SLC8A1: variants seen among roughly 807,000 people sequenced by gnomAD.
SLC8A1 encodes sodium/calcium exchanger 1.
SLC8A1 carries 18 observed loss-of-function variants against 68.3 expected under a neutral mutation model. That is an observed-to-expected ratio of 0.26 (90% CI 0.18 to 0.39). SLC8A1 has a LOEUF of 0.39. SLC8A1 is among the 10% of genes least tolerant of loss of function. The pLI is 1.00. For missense variants in SLC8A1, 985 were observed against 1,156.7 expected, an observed-to-expected ratio of 0.85 and a Z score of 2.15; for synonymous variants, 475 against 415.5, an observed-to-expected ratio of 1.14 and a Z score of -1.74.
rs542773618 is a variant in SLC8A1 at position 40,437,951 on chromosome 2, T to C, written c.-24-7647A>G. Among the ~76,000 whole-genome samples the C allele has an allele frequency of 6.2e-4, 95 of 152,236 alleles. 1 individual carries two copies. Among genetic ancestry groups the C allele is most frequent in the African/African-American group, 2.0e-3 (85 of 41,572 alleles). On this transcript the variant is annotated intron_variant, in intron 1 of 7. Coordinates refer to ENST00000406785, the Ensembl canonical transcript of SLC8A1. The stretch of plus-strand genomic sequence containing the variant: ...GTGGAAACCAGGACCCTTCCATTAC[T>C]AGAGATTCACTGAAGAGAAGAGACT...
intron 7 of SLC8A1, among the ~76,000 whole-genome samples, chr2:40,128,231 T>A (rs2038562259): frequency 6.6e-6 from 1 of 152,274 alleles, no homozygotes. Flanking sequence ...TTATTTGTTC[T>A]CTTTTCTAAA....
At chr2:40,425,310 T>A (rs1696560846) in intron 2 of SLC8A1, among the ~76,000 whole-genome samples, 1 of 150,730 alleles carries the variant, frequency 6.6e-6, no homozygotes, top group Non-Finnish European at 1.5e-5. Flanking sequence ...GACATTTTTA[T>A]ATTATAAATT....
chr2:40,147,153 T>C (rs2042623057), intron 6 of SLC8A1, among the ~76,000 whole-genome samples: 1 of 152,162 alleles, frequency 6.6e-6, no homozygotes, highest in South Asian at 2.1e-4. Context: ...TAAGGAGTTC[T>C]AGCTCCATGC....
chr2:40,411,638 G>C (rs1316445514), intron 2 of SLC8A1, among the ~76,000 whole-genome samples: 1 of 151,716 alleles, frequency 6.6e-6, no homozygotes, highest in Non-Finnish European at 1.5e-5. Flanking sequence ...AACAATAGGG[G>C]CCTCATTAAA....
chr2:40,156,720 CA>C (rs1008140234), intron 6 of SLC8A1, among the ~76,000 whole-genome samples: 6 of 151,732 alleles, frequency 4.0e-5, no homozygotes, highest in Non-Finnish European at 7.4e-5. Context: ...CTCCAATATC[CA>C]AACAAATATC....
At chr2:40,376,898 C>A (rs554637299) in intron 2 of SLC8A1, among the ~76,000 whole-genome samples, 1 of 152,152 alleles carries the variant, frequency 6.6e-6, no homozygotes, top group South Asian at 2.1e-4. Flanking sequence ...AATTACCATG[C>A]CCTCTATTAT....
chr2:40,148,183 T>C (rs988509551), intron 6 of SLC8A1, among the ~76,000 whole-genome samples: 1 of 152,226 alleles, frequency 6.6e-6, no homozygotes, highest in Non-Finnish European at 1.5e-5. Context: ...CAAAATACTA[T>C]ATTGTTCTTT....
intron 2 of SLC8A1, among the ~76,000 whole-genome samples, chr2:40,206,647 A>G (rs1292652940): frequency 2.0e-5 from 3 of 152,064 alleles, no homozygotes; most frequent in Non-Finnish European, 2.9e-5. Flanking sequence ...ATCTTAAAAC[A>G]CAAGAATCAG....
chr2:40,402,083 C>G (rs190407418), intron 2 of SLC8A1, among the ~76,000 whole-genome samples: 1 of 152,104 alleles, frequency 6.6e-6, no homozygotes, highest in African/African-American at 2.4e-5. Context: ...AGTCACAGGA[C>G]GCGATACAGG....
chr2:40,433,726 T>C (rs1014976484), intron 1 of SLC8A1, among the ~76,000 whole-genome samples: 3 of 152,174 alleles, frequency 2.0e-5, no homozygotes, highest in Non-Finnish European at 2.9e-5. Flanking sequence ...ACCCAACCCC[T>C]GGTCTTTTTC....
chr2:40,221,071 A>G (rs2058264277), intron 2 of SLC8A1, among the ~76,000 whole-genome samples: 3 of 148,834 alleles, frequency 2.0e-5, no homozygotes, highest in Admixed American at 1.3e-4. Context: ...GAGACACAAC[A>G]ACAACAAAAA....
At chr2:40,344,812 A>G (rs1382012884) in intron 2 of SLC8A1, among the ~76,000 whole-genome samples, 1 of 152,136 alleles carries the variant, frequency 6.6e-6, no homozygotes, top group Admixed American at 6.6e-5. Context: ...TCCCAGACTA[A>G]TCTTAAGAAT....
intron 2 of SLC8A1, among the ~76,000 whole-genome samples, chr2:40,391,210 G>A (rs1220329932): frequency 5.2e-5 from 2 of 38,786 alleles, no homozygotes; most frequent in African/African-American, 5.0e-4. Flanking sequence ...ACATATGTCT[G>A]TGTGTATGTG....
intron 2 of SLC8A1, chr2:40,255,276 A>C (rs527361767): frequency 6.6e-6 from 1 of 151,244 alleles, no homozygotes; most frequent in African/African-American, 2.4e-5. Context: ...TACCATCTGC[A>C]CACTTGCAGG....
intron 2 of SLC8A1, among the ~76,000 whole-genome samples, chr2:40,376,343 GAT>G (rs1419420805): frequency 6.6e-6 from 1 of 152,114 alleles, no homozygotes; most frequent in African/African-American, 2.4e-5. Context: ...TGGGATTAGA[GAT>G]AGACAGTAGC....
chr2:40,270,225 T>G (rs1330415900), intron 2 of SLC8A1, among the ~76,000 whole-genome samples: 1 of 152,232 alleles, frequency 6.6e-6, no homozygotes, highest in East Asian at 1.9e-4. Flanking sequence ...TCAGGGACCT[T>G]CCAGCCCTAG....
intron 2 of SLC8A1, among the ~76,000 whole-genome samples, chr2:40,207,994 C>G (rs996628563): frequency 6.6e-6 from 1 of 152,120 alleles, no homozygotes; most frequent in African/African-American, 2.4e-5. Context: ...ACCTCCTTCA[C>G]AGCCACAGCA....
chr2:40,137,639 T>G (rs2040769260), intron 7 of SLC8A1, among the ~76,000 whole-genome samples: 1 of 152,136 alleles, frequency 6.6e-6, no homozygotes, highest in Non-Finnish European at 1.5e-5. Flanking sequence ...TTTTAAGTTT[T>G]TCCTTCTGCT....
At position 40,293,475 on chromosome 2, in the gene SLC8A1, C is replaced by T. The variant is rs997052897; in HGVS notation, c.1809-115620G>A. Among the ~76,000 whole-genome samples the T allele has an allele frequency of 7.2e-5, 11 of 152,138 alleles. No individual in the cohort carries two copies. The South Asian group carries it at 1.2e-3, about 17-fold the overall frequency. The stretch of plus-strand genomic sequence containing the variant: ...AACTTGGAGCTTTAGAGTTTGTATA[C>T]TAGTCACTGGAAGTTTCAATCATTC... On this transcript the variant is annotated intron_variant, in intron 2 of 7. Transcript: ENST00000406785.
Sources: allele counts gnomAD v4.1 joint callset (sites outside exome capture counted in the v4.1 genomes callset), GRCh38; gene constraint gnomAD v4.1.1; transcripts MANE v1.5; gene names NCBI Gene and HGNC (gene_info 2026-07-23, HGNC 2026-07-21).